Variants in ACYP2 observed in about 807,000 individuals in gnomAD.
The protein encoded by ACYP2 is acylphosphatase 2, also known as acylphosphatase-2.
A neutral mutation model predicts 11.2 loss-of-function variants in ACYP2; 12 were observed. The observed-to-expected ratio is 1.08, with a 90% CI of 0.69 to 1.74. ACYP2 has a LOEUF of 1.74. Among genes scored for constraint, ACYP2 ranks in the 40% most tolerant of loss-of-function variants. The pLI, the probability that ACYP2 is intolerant of heterozygous loss-of-function variation, is 0.00. For missense variants in ACYP2, 134 were observed against 101.9 expected, an observed-to-expected ratio of 1.31 and a Z score of -1.35; for synonymous variants, 43 against 32.2, an observed-to-expected ratio of 1.33 and a Z score of -1.13.
chr2:54,200,091 T>G (rs901965836), intron 6 of ACYP2, among the ~76,000 whole-genome samples: 2 of 152,218 alleles, frequency 1.3e-5, no homozygotes, highest in Non-Finnish European at 2.9e-5. Flanking sequence ...CTTTGCTCAT[T>G]CACATGAAAA....
chr2:54,040,300 A>G (rs902079303), intron 2 of ACYP2, among the ~76,000 whole-genome samples: 1 of 152,192 alleles, frequency 6.6e-6, no homozygotes, highest in African/African-American at 2.4e-5. Flanking sequence ...GTGGTAGGGC[A>G]GTGACAAGCA....
chr2:54,024,622 G>A (rs1415468252), intron 2 of ACYP2, among the ~76,000 whole-genome samples: 3 of 152,126 alleles, frequency 2.0e-5, no homozygotes, highest in Non-Finnish European at 4.4e-5. Flanking sequence ...CAAACCCACA[G>A]CCAACATTAT....
At chr2:54,093,577 G>C (rs968341173) in intron 4 of ACYP2, among the ~76,000 whole-genome samples, 10 of 152,196 alleles carry the variant, frequency 6.6e-5, no homozygotes, top group African/African-American at 2.4e-4. Context: ...CTGTGTCTGG[G>C]TACAGGTCAC....
intron 4 of ACYP2, among the ~76,000 whole-genome samples, chr2:54,113,549 T>A (rs775912683): frequency 1.9e-4 from 29 of 151,906 alleles, no homozygotes; most frequent in Admixed American, 5.9e-4. Context: ...CAGGCCAAGA[T>A]ACTTAAAAAA....
intron 4 of ACYP2, among the ~76,000 whole-genome samples, chr2:54,134,593 A>G (rs973412265): frequency 1.3e-5 from 2 of 152,226 alleles, no homozygotes; most frequent in African/African-American, 4.8e-5. Flanking sequence ...CATTTTATTT[A>G]TTTGGATTCA....
chr2:54,014,786 G>C (rs917395572), intron 2 of ACYP2, among the ~76,000 whole-genome samples: 2 of 151,196 alleles, frequency 1.3e-5, no homozygotes, highest in African/African-American at 2.4e-5. Context: ...TCAAGACAGG[G>C]TCTTGCTCTG....
chr2:54,300,082 A>C (rs1000230504), intron 6 of ACYP2, among the ~76,000 whole-genome samples: 1 of 152,152 alleles, frequency 6.6e-6, no homozygotes, highest in Admixed American at 6.5e-5. Context: ...GCCTCTCCCT[A>C]TCCAAATTGC....
chr2:54,116,352 G>A (rs1558539881), intron 4 of ACYP2, among the ~76,000 whole-genome samples: 1 of 152,070 alleles, frequency 6.6e-6, no homozygotes, highest in Non-Finnish European at 1.5e-5. Context: ...TTATGCAATG[G>A]AATATAAATA....
chr2:54,099,797 C>T (rs1267508741), intron 4 of ACYP2, among the ~76,000 whole-genome samples: 1 of 152,054 alleles, frequency 6.6e-6, no homozygotes, highest in Non-Finnish European at 1.5e-5. Flanking sequence ...GATTTTATAT[C>T]CTTAGGATAC....
In ACYP2 at chr2:54,290,587, C is replaced by G. The variant is rs72901514; in HGVS notation, c.405-14101C>G. On this transcript the variant is annotated intron_variant, in intron 6 of 6. Coordinates refer to ENST00000607452, the MANE Select transcript of ACYP2 (RefSeq NM_001320586.2). ...GACATAAAATAGAGCCAGGACAAGG[C>G]TTAAGTGATGCCTAAAATAACAACC... Among the ~76,000 whole-genome samples the G allele has an allele frequency of 2.3e-3, 338 of 149,930 alleles. 6 individuals are homozygous for G. Among genetic ancestry groups the G allele is most frequent in the African/African-American group, 8.2e-3 (325 of 39,532 alleles).
At chr2:54,197,969 A>G (rs1684578298) in intron 6 of ACYP2, among the ~76,000 whole-genome samples, 1 of 112,880 alleles carries the variant, frequency 8.9e-6, no homozygotes, top group Non-Finnish European at 1.7e-5. Flanking sequence ...ATTGTATTGT[A>G]TTGTATTGTA....
At chr2:54,050,118 G>T (rs1359497669) in intron 2 of ACYP2, among the ~76,000 whole-genome samples, 3 of 152,124 alleles carry the variant, frequency 2.0e-5, no homozygotes, top group Non-Finnish European at 2.9e-5. Flanking sequence ...GACATATAAA[G>T]AATCAAATTT....
At chr2:54,194,957 T>C (rs1243643890) in intron 6 of ACYP2, among the ~76,000 whole-genome samples, 1 of 152,228 alleles carries the variant, frequency 6.6e-6, no homozygotes, top group South Asian at 2.1e-4. Context: ...ATAATGAATA[T>C]TCAAATGAAG....
In ACYP2 at chr2:53,981,972, C is replaced by T. The variant is rs1671786558; in HGVS notation, c.62+8162C>T. On this transcript the variant is annotated intron_variant, in intron 2 of 6. Transcript: ENST00000607452. ...AAAGAATTTTTCAGCACCACCAAAGCTTTTCGTGTTTCTTCTTTTTGTCAA... is the reference window on the plus strand; with the variant it reads ...AAAGAATTTTTCAGCACCACCAAAGTTTTTCGTGTTTCTTCTTTTTGTCAA... Among the ~76,000 whole-genome samples the T allele has an allele frequency of 2.0e-5, 3 of 152,098 alleles. No individual in the cohort carries two copies. In the South Asian group the frequency reaches 6.2e-4, roughly 32 times the overall value.
At chr2:54,067,362 C>T (rs79772646) in intron 4 of ACYP2, among the ~76,000 whole-genome samples, 3,183 of 152,230 alleles carry the variant, frequency 0.021, 62 homozygotes, top group Non-Finnish European at 0.028. Flanking sequence ...AATAAGTTTT[C>T]CATTGTCAAC....
At chr2:54,202,478 C>G (rs1727509) in intron 6 of ACYP2, among the ~76,000 whole-genome samples, 51,232 of 145,564 alleles carry the variant, frequency 0.35, 9,910 homozygotes, top group African/African-American at 0.53. Flanking sequence ...CTCGATCTCA[C>G]CTCGCTGCAA....
chr2:54,114,508 A>T (rs1301955640), intron 4 of ACYP2, among the ~76,000 whole-genome samples: 1 of 152,088 alleles, frequency 6.6e-6, no homozygotes, highest in Admixed American at 6.5e-5. Flanking sequence ...ACATGGTGAA[A>T]CCCCGTCTCC....
chr2:53,985,549 C>G (rs952440124), intron 2 of ACYP2, among the ~76,000 whole-genome samples: 4 of 152,116 alleles, frequency 2.6e-5, no homozygotes, highest in African/African-American at 9.7e-5. Context: ...AGCACTACCC[C>G]AAAGAGTCTA....
intron 4 of ACYP2, among the ~76,000 whole-genome samples, chr2:54,072,207 T>C (rs568662680): frequency 6.6e-6 from 1 of 152,346 alleles, no homozygotes; most frequent in South Asian, 2.1e-4. Flanking sequence ...ACATCCCATG[T>C]TCATGAATTA....
Sources: allele counts gnomAD v4.1 joint callset (sites outside exome capture counted in the v4.1 genomes callset), GRCh38; gene constraint gnomAD v4.1.1; transcripts MANE v1.5; gene names NCBI Gene and HGNC (gene_info 2026-07-23, HGNC 2026-07-21).